MYO1D: variants seen among roughly 807,000 people sequenced by gnomAD.
The protein encoded by MYO1D is unconventional myosin-Id.
In MYO1D, 83 loss-of-function variants were observed where a neutral mutation model predicts 122.0. The observed-to-expected ratio is 0.68, with a 90% CI of 0.57 to 0.82. MYO1D has a LOEUF of 0.82. MYO1D is among the 40% of genes least tolerant of loss of function. The pLI is 0.00. For missense variants in MYO1D, 1,157 were observed against 1,269.5 expected (o/e 0.91, Z 1.35); for synonymous variants, 464 against 446.9 (o/e 1.04, Z -0.48).
chr17:32,633,236 A>C (rs545151131), intron 20 of MYO1D, among the ~76,000 whole-genome samples: 2 of 152,186 alleles, frequency 1.3e-5, no homozygotes, highest in African/African-American at 4.8e-5. Context: ...AGAATGAAGA[A>C]GGAAAAAATA....
chr17:32,852,590 A>G (rs1361076313), intron 1 of MYO1D, among the ~76,000 whole-genome samples: 2 of 152,144 alleles, frequency 1.3e-5, no homozygotes, highest in Non-Finnish European at 2.9e-5. Flanking sequence ...AATTAATGGT[A>G]AATAGGGTGC....
chr17:32,656,990 G>A (rs1467773626), intron 17 of MYO1D, among the ~76,000 whole-genome samples: 1 of 152,128 alleles, frequency 6.6e-6, no homozygotes, highest in African/African-American at 2.4e-5. Flanking sequence ...GCACACTGGG[G>A]GATTCAGGAC....
At chr17:32,742,585 A>G (rs1411798936) in intron 13 of MYO1D, among the ~76,000 whole-genome samples, 1 of 152,156 alleles carries the variant, frequency 6.6e-6, no homozygotes, top group Non-Finnish European at 1.5e-5. Context: ...TTCTAAGTTG[A>G]GCTTTTAACA....
chr17:32,811,616 CTTTTTTTTTTTTT>C (rs755189217), intron 1 of MYO1D, among the ~76,000 whole-genome samples: 11 of 57,540 alleles, frequency 1.9e-4, no homozygotes, highest in East Asian at 6.7e-4. Context: ...CCCTCACCCT[CTTTTTTTTTTTTT>C]TTTTTTTTTT....
chr17:32,652,794 ACTC>A (rs2088410288), intron 19 of MYO1D, among the ~76,000 whole-genome samples: 1 of 151,930 alleles, frequency 6.6e-6, no homozygotes, highest in African/African-American at 2.4e-5. Flanking sequence ...AATATGCCCT[ACTC>A]CTCTTTTTAA....
At chr17:32,521,040 T>C (rs982193920) in intron 21 of MYO1D, among the ~76,000 whole-genome samples, 1 of 152,220 alleles carries the variant, frequency 6.6e-6, no homozygotes, top group African/African-American at 2.4e-5. Context: ...AATGTTTCCA[T>C]TGGCTTACCC....
intron 21 of MYO1D, among the ~76,000 whole-genome samples, chr17:32,582,653 G>A (rs955864037): frequency 2.8e-5 from 3 of 107,842 alleles, no homozygotes; most frequent in South Asian, 2.9e-4. Context: ...ATGGTAACTA[G>A]TTCAACTCAG....
intron 21 of MYO1D, among the ~76,000 whole-genome samples, chr17:32,556,908 TTGA>T (rs1338120355): frequency 6.6e-6 from 1 of 152,146 alleles, no homozygotes; most frequent in Non-Finnish European, 1.5e-5. Flanking sequence ...AACCTGAAAC[TTGA>T]TGATGTTTGT....
chr17:32,589,120 A>T (rs1031403432), intron 21 of MYO1D, among the ~76,000 whole-genome samples: 1 of 152,202 alleles, frequency 6.6e-6, no homozygotes, highest in Middle Eastern at 3.2e-3. Context: ...GGTTTTTGAC[A>T]AATTGGCCTG....
At chr17:32,526,228 C>T (rs1248817189) in intron 21 of MYO1D, among the ~76,000 whole-genome samples, 1 of 152,132 alleles carries the variant, frequency 6.6e-6, no homozygotes, top group Non-Finnish European at 1.5e-5. Context: ...CTGTTTTATC[C>T]CCACTTCTGG....
At position 32,755,610 on chromosome 17, in the gene MYO1D, T is replaced by C; in HGVS notation, c.1349A>G (p.Lys450Arg). 6.2e-7 allele frequency: 1 copy of C among 1,613,892 alleles called. No individual in the cohort carries two copies. Among genetic ancestry groups the C allele is most frequent in the Non-Finnish European group, 8.5e-7 (1 of 1,179,822 alleles). Residue 450 changes from lysine (K) to arginine (R), a missense_variant, in exon 11 of 22, where the codon AAA (lysine) becomes AGA (arginine). Coordinates refer to ENST00000318217, the MANE Select transcript of MYO1D (RefSeq NM_015194.3). ...IIVDLVEQQH[K>R]GIIAILDDAC... ...ATCATCAAGGATTGCAATGATCCCTTTGTGCTGTTGCTCCACGAGGTCAAC... is the reference window on the plus strand; with the variant it reads ...ATCATCAAGGATTGCAATGATCCCTCTGTGCTGTTGCTCCACGAGGTCAAC...
rs1178224028 is a variant in MYO1D, at chr17:32,712,127, T to C, written c.1982A>G (p.Lys661Arg). ...DLPSDKEAVK[K>R]LIERCGFQDD... ...CTGAAAACCACACCGTTCAATTAGT[T>C]TCTTGACAGCCTCTTTGTCTGAAGG... Residue 661 changes from lysine (K) to arginine (R), a missense_variant, in exon 16 of 22, where the codon AAA (lysine) becomes AGA (arginine). Transcript: ENST00000318217. The C allele has an allele frequency of 6.2e-7, 1 of 1,614,056 alleles. No homozygotes were observed. Among genetic ancestry groups the C allele is most frequent in the Admixed American group, 1.7e-5 (1 of 60,012 alleles).
rs755576333 is a variant in MYO1D at position 32,810,665 on chromosome 17, C to CG, written c.96-29882dup. On this transcript the variant is annotated intron_variant, in intron 1 of 21. Coordinates refer to ENST00000318217, the MANE Select transcript of MYO1D (RefSeq NM_015194.3). ...CTAATTTTTATATTTTTAGTAGAGA[C>CG]GGGGTTTCACCATGTTGGCCAGGCT... 1.1e-4 allele frequency among the ~76,000 whole-genome samples: 16 copies of CG among 151,950 alleles called. 2 individuals carry two copies. Among genetic ancestry groups the CG allele is most frequent in the East Asian group, 7.7e-4 (4 of 5,196 alleles).
chr17:32,592,680 G>T (rs1326311587), intron 21 of MYO1D, among the ~76,000 whole-genome samples: 2 of 148,056 alleles, frequency 1.4e-5, no homozygotes, highest in African/African-American at 5.0e-5. Flanking sequence ...GCCAGAATAA[G>T]ATGGAACTGT....
At chr17:32,668,501 T>C (rs140530793) in intron 16 of MYO1D, among the ~76,000 whole-genome samples, 1 of 152,322 alleles carries the variant, frequency 6.6e-6, no homozygotes, top group African/African-American at 2.4e-5. Context: ...AAATAGCTGA[T>C]ATTTGAAAGA....
At chr17:32,766,625 T>C (rs1048495979) in intron 7 of MYO1D, among the ~76,000 whole-genome samples, 1 of 152,000 alleles carries the variant, frequency 6.6e-6, no homozygotes, top group African/African-American at 2.4e-5. Flanking sequence ...ACCCCGTCTC[T>C]ACTAAAAATA....
At chr17:32,698,854 T>C (rs1378024103) in intron 16 of MYO1D, among the ~76,000 whole-genome samples, 1 of 152,160 alleles carries the variant, frequency 6.6e-6, no homozygotes, top group Non-Finnish European at 1.5e-5. Flanking sequence ...TAATAAAAAA[T>C]GCAAAATGCA....
chr17:32,642,710 C>T (rs1164185952), intron 19 of MYO1D, among the ~76,000 whole-genome samples: 1 of 152,192 alleles, frequency 6.6e-6, no homozygotes, highest in African/African-American at 2.4e-5. Flanking sequence ...GGAGTTCACT[C>T]ATGATTTGGC....
At chr17:32,619,662 T>C (rs766853752) in intron 20 of MYO1D, among the ~76,000 whole-genome samples, 3 of 152,206 alleles carry the variant, frequency 2.0e-5, no homozygotes, top group Non-Finnish European at 4.4e-5. Flanking sequence ...GGGTCCTAGA[T>C]AGTCAAATTA....
Sources: allele counts gnomAD v4.1 joint callset (sites outside exome capture counted in the v4.1 genomes callset), GRCh38; gene constraint gnomAD v4.1.1; transcripts MANE v1.5; gene names NCBI Gene and HGNC (gene_info 2026-07-23, HGNC 2026-07-21).